Variants in RADIL observed in about 807,000 individuals in gnomAD.
The protein encoded by RADIL is Rap associating with DIL domain.
A neutral mutation model predicts 97.6 loss-of-function variants in RADIL; 99 were observed. That is an observed-to-expected ratio of 1.01 (90% CI 0.86 to 1.20). The LOEUF (loss-of-function observed/expected upper bound fraction) is 1.20, where lower values mean the gene tolerates loss of function less well. Among genes scored for constraint, RADIL ranks in the 50% most tolerant of loss-of-function variants. RADIL has a pLI of 0.00. For missense variants in RADIL, 1,765 were observed against 1,498.9 expected (o/e 1.18, Z -2.93); for synonymous variants, 803 against 691.8 (o/e 1.16, Z -2.52).
chr7:4,881,979 G>C (rs1784497507), intron 1 of RADIL: 1 of 149,946 alleles, frequency 6.7e-6, no homozygotes, highest in African/African-American at 2.5e-5. Context: ...ACAGTTTCCG[G>C]AGCCGGATTC....
intron 5 of RADIL, among the ~76,000 whole-genome samples, chr7:4,826,200 C>G (rs989834805): frequency 6.6e-6 from 1 of 150,776 alleles, no homozygotes; most frequent in African/African-American, 2.4e-5. Context: ...AGAGTGAGAC[C>G]CTGTCTCAAA....
chr7:4,845,929 G>GC (rs1783556804), intron 2 of RADIL, among the ~76,000 whole-genome samples: 6 of 152,090 alleles, frequency 3.9e-5, no homozygotes, highest in Admixed American at 3.9e-4. Flanking sequence ...GAAACCAGGG[G>GC]CTGTAGCCAG....
intron 5 of RADIL, among the ~76,000 whole-genome samples, chr7:4,828,912 C>G (rs774094113): frequency 2.0e-5 from 3 of 152,194 alleles, no homozygotes; most frequent in Non-Finnish European, 2.9e-5. Context: ...CAGCTTCAAA[C>G]TGCAGGCTGC....
intron 2 of RADIL, chr7:4,861,893 G>A: frequency 1.0e-6 from 1 of 986,002 alleles, no homozygotes; most frequent in Non-Finnish European, 1.4e-6. Flanking sequence ...CCGCTGAGGC[G>A]GAAGGGCAGG....
In RADIL at chr7:4,879,079, G is replaced by C. The variant is rs75223333; in HGVS notation, c.-64-876C>G. 4.9e-3 allele frequency among the ~76,000 whole-genome samples: 741 copies of C among 152,330 alleles called. 8 individuals are homozygous for C. Among genetic ancestry groups the C allele is most frequent in the African/African-American group, 0.017 (707 of 41,584 alleles). ...ATACTCCCTGGGATGGCAGCACTGA[G>C]TGGCCTCGCAAGCACGGCGGGCACA... is the stretch of plus-strand genomic sequence containing the variant. On this transcript the variant is annotated intron_variant, in intron 1 of 14. Coordinates refer to ENST00000399583, the MANE Select transcript of RADIL (RefSeq NM_018059.5). The surrounding 1 kb of genome is among the most constrained non-coding windows in gnomAD (Gnocchi z 4.1).
At position 4,809,643 on chromosome 7, in the gene RADIL, T is replaced by C. The variant is rs1025527117; in HGVS notation, c.2140-3927A>G. ...TCAGCTCAACCTGCCCTTTCAGGAG[T>C]ATTTTACATCTTATTTTATTTATTT... On this transcript the variant is annotated intron_variant, in intron 9 of 14. Transcript: ENST00000399583. The C allele has an allele frequency of 8.2e-6, 8 of 973,796 alleles. No individual in the cohort carries two copies. The African/African-American group carries it at 1.4e-4, about 17-fold the overall frequency. The allele number at this position is 973,796 out of a possible 1,614,324, so 60.3% of individuals were successfully genotyped here. A position where few individuals can be genotyped will look rare whatever the true frequency, so the allele number is the denominator to read the frequency against.
chr7:4,855,451 G>C (rs1301511306), intron 2 of RADIL, among the ~76,000 whole-genome samples: 1 of 151,976 alleles, frequency 6.6e-6, no homozygotes, highest in Admixed American at 6.6e-5. Flanking sequence ...CCTACGAGGA[G>C]ACTAATTGGA....
At chr7:4,831,507 G>A (rs1359797755) in intron 5 of RADIL, among the ~76,000 whole-genome samples, 1 of 148,242 alleles carries the variant, frequency 6.7e-6, no homozygotes, top group Non-Finnish European at 1.5e-5. Context: ...ATGTAACAAA[G>A]CTGCACTCGT....
chr7:4,808,520 A>T (rs1432645400), intron 9 of RADIL: 1 of 941,156 alleles, frequency 1.1e-6, no homozygotes, highest in Non-Finnish European at 1.3e-6. Flanking sequence ...ACGTTTTTAA[A>T]GGGTTTGAGA....
intron 2 of RADIL, chr7:4,860,824 G>A (rs1279990113): frequency 1.9e-6 from 3 of 1,614,110 alleles, no homozygotes; most frequent in Non-Finnish European, 1.7e-6. Context: ...AAATAGACAC[G>A]TTGTATGTGG....
rs1259460198 is a variant in RADIL at position 4,879,759 on chromosome 7, A to G, written c.-64-1556T>C. 2.0e-5 allele frequency among the ~76,000 whole-genome samples: 3 copies of G among 152,204 alleles called. No homozygotes were observed. Among genetic ancestry groups the G allele is most frequent in the Non-Finnish European group, 4.4e-5 (3 of 68,032 alleles). On this transcript the variant is annotated intron_variant, in intron 1 of 14. Coordinates refer to ENST00000399583, the MANE Select transcript of RADIL (RefSeq NM_018059.5). This position sits in a 1 kb window ranked among gnomAD's most constrained non-coding sequence, Gnocchi z 4.1. ...GAGCCACACTGTCCCTTAGGAAACTAAACAGTGGAACCGCCCCAGCCTCCA... is the reference window on the plus strand; with the variant it reads ...GAGCCACACTGTCCCTTAGGAAACTGAACAGTGGAACCGCCCCAGCCTCCA...
In RADIL at chr7:4,815,579, G is replaced by A; in HGVS notation, c.1967-129C>T. On this transcript the variant is annotated intron_variant, in intron 8 of 14. Coordinates refer to ENST00000399583, the MANE Select transcript of RADIL (RefSeq NM_018059.5). The surrounding 1 kb of genome is among the most constrained non-coding windows in gnomAD (Gnocchi z 8.0). ...GGACATCACAGCTCGATGACAGGCA[G>A]GACACCTTCCCTCGGTTTTCAAGGC... The A allele has an allele frequency of 9.6e-7, 1 of 1,040,030 alleles. No homozygotes were observed. Among genetic ancestry groups the A allele is most frequent in the Non-Finnish European group, 1.3e-6 (1 of 746,460 alleles). The allele number at this position is 1,040,030 out of a possible 1,614,324, so 64.4% of individuals were successfully genotyped here.
Position 4,824,763 on chromosome 7 carries a change from C to T in RADIL, c.1455-2209G>A, listed in dbSNP as rs188914146. On this transcript the variant is annotated intron_variant, in intron 5 of 14. Transcript: ENST00000399583. The surrounding 1 kb of genome is among the most constrained non-coding windows in gnomAD (Gnocchi z 6.7). The stretch of plus-strand genomic sequence containing the variant: ...ATTCTGGACACTGGCTTGAAGGACA[C>T]GCATGTCTGCAGATGGGCAGAAGGA... Among the ~76,000 whole-genome samples, 4 of 152,338 alleles carry T rather than the reference C, an allele frequency of 2.6e-5. No homozygotes were observed. Among genetic ancestry groups the T allele is most frequent in the African/African-American group, 7.2e-5 (3 of 41,588 alleles).
At chr7:4,826,520 G>T (rs942416408) in intron 5 of RADIL, among the ~76,000 whole-genome samples, 1 of 151,992 alleles carries the variant, frequency 6.6e-6, no homozygotes, top group Non-Finnish European at 1.5e-5. Context: ...ATCATGTGAG[G>T]TCAGGAGTTC....
rs76862906 is a variant in RADIL, at chr7:4,834,619, G to A, written c.1404C>T (p.Arg468=). The A allele has an allele frequency of 0.078, 104,321 of 1,334,102 alleles. 4,318 individuals carry two copies. The highest frequency in any genetic ancestry group is 0.13 in the East Asian group (4,472 of 35,018). The allele number at this position is 1,334,102 out of a possible 1,614,324, so 82.6% of individuals were successfully genotyped here. A position where few individuals can be genotyped will look rare whatever the true frequency, so the allele number is the denominator to read the frequency against. Residue 468 remains arginine, a synonymous_variant, in exon 4 of 15, where the codon CGC becomes CGT. Coordinates refer to ENST00000399583, the MANE Select transcript of RADIL (RefSeq NM_018059.5). The surrounding 1 kb of genome is among the most constrained non-coding windows in gnomAD (Gnocchi z 6.0). ...QLLLKIARLI[R]ETVWEKTKEL... ...CCAGCACACTGACCCAGACAGTCTC[G>A]CGGATCAGCCTGGCTATCTTGAGCA...
chr7:4,859,147 C>A (rs1783908099), intron 2 of RADIL: 1 of 152,278 alleles, frequency 6.6e-6, no homozygotes, highest in South Asian at 2.1e-4. Context: ...GCTAGATGTA[C>A]TTTTATGCTT....
At chr7:4,823,712 T>C in intron 5 of RADIL, among the ~76,000 whole-genome samples, 1 of 152,152 alleles carries the variant, frequency 6.6e-6, no homozygotes, top group East Asian at 1.9e-4. Context: ...CCAAACCCTT[T>C]CTCCCACATC....
chr7:4,813,151 T>C lies in RADIL; in HGVS notation c.2139+2127A>G, dbSNP rs1782591683. Among the ~76,000 whole-genome samples the C allele has an allele frequency of 6.6e-6, 1 of 151,950 alleles. No homozygotes were observed. The highest frequency in any genetic ancestry group is 1.5e-5 in the Non-Finnish European group (1 of 67,978). The stretch of plus-strand genomic sequence containing the variant: ...CTTTCATAGTTGAGGTCTTCCTCTG[T>C]TGCCCAGGCTGGAGTGCAGTGGTGT... On this transcript the variant is annotated intron_variant, in intron 9 of 14. Coordinates refer to ENST00000399583, the MANE Select transcript of RADIL (RefSeq NM_018059.5). The surrounding 1 kb of genome is among the most constrained non-coding windows in gnomAD (Gnocchi z 5.0).
rs896450703 is a variant in RADIL at position 4,817,302 on chromosome 7, G to T, written c.1665C>A (p.Ala555=). The stretch of plus-strand genomic sequence containing the variant: ...GCACCACCTCCTCCAGCACCGCCAT[G>T]GCCTCCTCGCTGGCCGTCAGCGTGC... ...FSCTLTASEE[A]MAVLEEVVLY... Residue 555 remains alanine, a synonymous_variant, in exon 7 of 15, where the codon GCC becomes GCA. Transcript: ENST00000399583. This position sits in a 1 kb window ranked among gnomAD's most constrained non-coding sequence, Gnocchi z 8.3. 1 of 1,612,544 alleles carries T rather than the reference G, an allele frequency of 6.2e-7. No individual in the cohort carries two copies. The highest frequency in any genetic ancestry group is 1.3e-5 in the African/African-American group (1 of 74,908).
Sources: gnomAD v4.1 joint callset for allele counts (sites outside exome capture counted in the v4.1 genomes callset) on GRCh38, gnomAD v4.1.1 for gene constraint, Gnocchi (gnomAD v3.1) non-coding constraint, MANE v1.5 for transcripts, NCBI Gene and HGNC (gene_info 2026-07-23, HGNC 2026-07-21) for gene names.